Variants in SCOC observed in about 807,000 individuals in gnomAD.
SCOC encodes short coiled-coil protein.
SCOC carries 7 observed loss-of-function variants against 9.9 expected under a neutral mutation model. The observed-to-expected ratio is 0.71, with a 90% CI of 0.40 to 1.33. The LOEUF is 1.33. Ranked by LOEUF, SCOC falls within the 40% of genes most tolerant of loss-of-function variation. The probability of loss-of-function intolerance (pLI) is 0.01; values close to 1 mark genes in which losing one functional copy is unlikely to be tolerated. For synonymous variants in SCOC, 19 were observed against 28.2 expected, an observed-to-expected ratio of 0.67 and a Z score of 1.03; for missense variants, 66 against 89.7, an observed-to-expected ratio of 0.74 and a Z score of 1.07.
chr4:140,373,783 C>T, intron 1 of SCOC, 66 bp downstream of exon 1: 1 of 1,474,796 alleles, frequency 6.8e-7, no homozygotes, highest in Non-Finnish European at 9.1e-7. Context: ...CTCAGTACCT[C>T]CGAGGGCCTG....
chr4:140,276,149 C>G (rs1351779130), intron 1 of SCOC, among the ~76,000 whole-genome samples: 1 of 151,962 alleles, frequency 6.6e-6, no homozygotes, highest in South Asian at 2.1e-4. Context: ...ACTACAGGTG[C>G]CCGCCACCAC....
chr4:140,347,259 T>C (rs1726778808), intron 2 of SCOC, among the ~76,000 whole-genome samples: 1 of 152,178 alleles, frequency 6.6e-6, no homozygotes, highest in Admixed American at 6.5e-5. Flanking sequence ...GGTGTTTATC[T>C]TGGCTTTGGA....
intron 1 of SCOC, among the ~76,000 whole-genome samples, chr4:140,282,931 A>C (rs1396216857): frequency 6.6e-6 from 1 of 152,242 alleles, no homozygotes; most frequent in African/African-American, 2.4e-5. Context: ...ATACAAAAAT[A>C]AAATTTGCTC....
chr4:140,279,917 G>A (rs1463393499), intron 1 of SCOC, among the ~76,000 whole-genome samples: 1 of 152,064 alleles, frequency 6.6e-6, no homozygotes, highest in African/African-American at 2.4e-5. Context: ...TTCTCTCAAG[G>A]GCCCAAGATG....
chr4:140,282,244 C>T (rs1731117541), intron 1 of SCOC, among the ~76,000 whole-genome samples: 1 of 152,160 alleles, frequency 6.6e-6, no homozygotes, highest in Admixed American at 6.5e-5. Context: ...CATCCTCCTG[C>T]AGGTCCCTTG....
intron 1 of SCOC, among the ~76,000 whole-genome samples, chr4:140,307,992 T>C (rs1349772219): frequency 6.6e-6 from 1 of 152,194 alleles, no homozygotes; most frequent in Non-Finnish European, 1.5e-5. Context: ...TGATTCTTAC[T>C]CTTATGCCAA....
At chr4:140,262,431 C>T (rs1730652136) in intron 1 of SCOC, among the ~76,000 whole-genome samples, 1 of 152,154 alleles carries the variant, frequency 6.6e-6, no homozygotes, top group Non-Finnish European at 1.5e-5. Context: ...TGTTGAAGAC[C>T]TCCTATCTTT....
chr4:140,294,201 C>T (rs531221631), intron 1 of SCOC, among the ~76,000 whole-genome samples: 2 of 152,284 alleles, frequency 1.3e-5, no homozygotes, highest in African/African-American at 4.8e-5. Flanking sequence ...CTTGGAATGC[C>T]ATTTCCCTTC....
At chr4:140,299,832 A>G (rs567051251) in intron 1 of SCOC, among the ~76,000 whole-genome samples, 1 of 152,216 alleles carries the variant, frequency 6.6e-6, no homozygotes, top group Non-Finnish European at 1.5e-5. Context: ...TCAGTGCCTT[A>G]GCACAACGAT....
Position 140,379,672 on chromosome 4 carries a change from T to C in SCOC, c.106+20T>C. On this transcript the variant is annotated intron_variant, in intron 3 of 3. Coordinates refer to ENST00000608372, the MANE Select transcript of SCOC (RefSeq NM_001153484.2). ...TTGAAGGTTGGCTTGCATTTTGTAG[T>C]TTATTTGAATGACAGCCAATTAATT... 6.5e-7 allele frequency: 1 copy of C among 1,537,242 alleles called. No homozygotes were observed. The highest frequency in any genetic ancestry group is 8.9e-7 in the Non-Finnish European group (1 of 1,121,686).
intron 1 of SCOC, among the ~76,000 whole-genome samples, chr4:140,277,028 AAAAG>A (rs1264552580): frequency 1.3e-5 from 2 of 152,234 alleles, no homozygotes; most frequent in African/African-American, 4.8e-5. Context: ...GATAGGGACC[AAAAG>A]AAAGTTCTTG....
intron 1 of SCOC, among the ~76,000 whole-genome samples, chr4:140,281,842 G>A (rs1731104737): frequency 1.3e-5 from 2 of 152,164 alleles, no homozygotes; most frequent in South Asian, 2.1e-4. Flanking sequence ...GGGCGAGGGG[G>A]GACCCTAGTA....
intron 1 of SCOC, among the ~76,000 whole-genome samples, chr4:140,279,872 T>C (rs1731061393): frequency 6.6e-6 from 1 of 152,216 alleles, no homozygotes; most frequent in Non-Finnish European, 1.5e-5. Context: ...CCAGACTTCT[T>C]GTATCTTCTT....
intron 1 of SCOC, among the ~76,000 whole-genome samples, chr4:140,295,737 C>G (rs1032446039): frequency 6.6e-6 from 1 of 151,488 alleles, no homozygotes; most frequent in African/African-American, 2.4e-5. Context: ...GTCAGGAGAT[C>G]GAGACCACGA....
chr4:140,375,717 C>T (rs554442031), intron 1 of SCOC, among the ~76,000 whole-genome samples: 1 of 152,312 alleles, frequency 6.6e-6, no homozygotes, highest in African/African-American at 2.4e-5. Context: ...GTTCTGCCTC[C>T]TGGACTTAAA....
At chr4:140,310,031 A>G (rs1732104304) in intron 1 of SCOC, among the ~76,000 whole-genome samples, 1 of 152,000 alleles carries the variant, frequency 6.6e-6, no homozygotes, top group African/African-American at 2.4e-5. Flanking sequence ...TATCTTTTCT[A>G]CCCATTTCTC....
chr4:140,380,301 G>A (rs528983401), intron 3 of SCOC, among the ~76,000 whole-genome samples: 4 of 149,106 alleles, frequency 2.7e-5, no homozygotes, highest in African/African-American at 9.9e-5. Flanking sequence ...AGGTTCAAGC[G>A]ATTCTCCTGT....
intron 1 of SCOC, among the ~76,000 whole-genome samples, chr4:140,276,902 G>A (rs1213567400): frequency 6.6e-6 from 1 of 152,134 alleles, no homozygotes; most frequent in Non-Finnish European, 1.5e-5. Flanking sequence ...TTGGACTGCA[G>A]ATCAAGAAGT....
At chr4:140,291,395 G>C (rs1291293587) in intron 1 of SCOC, 1 of 456,812 alleles carries the variant, frequency 2.2e-6, no homozygotes, top group Admixed American at 2.3e-5. Context: ...CTTACCTTCT[G>C]CAGGGCATGT....
Sources: allele counts gnomAD v4.1 joint callset (sites outside exome capture counted in the v4.1 genomes callset), GRCh38; gene constraint gnomAD v4.1.1; transcripts MANE v1.5; gene names NCBI Gene and HGNC (gene_info 2026-07-23, HGNC 2026-07-21).